Variants in SLC6A15 observed in about 807,000 individuals in gnomAD.
SLC6A15 encodes the protein solute carrier family 6 member 15, also known as sodium-dependent neutral amino acid transporter B(0)AT2.
SLC6A15 carries 33 observed loss-of-function variants against 68.5 expected under a neutral mutation model. The observed-to-expected ratio is 0.48, with a 90% CI of 0.37 to 0.64. SLC6A15 has a LOEUF of 0.64. Among genes scored for constraint, SLC6A15 ranks in the 30% least tolerant of loss-of-function variants. The probability of loss-of-function intolerance (pLI) is 0.00; values close to 1 mark genes in which losing one functional copy is unlikely to be tolerated. For synonymous variants in SLC6A15, 347 were observed against 301.0 expected, an observed-to-expected ratio of 1.15 and a Z score of -1.58; for missense variants, 747 against 874.3, an observed-to-expected ratio of 0.85 and a Z score of 1.84.
At chr12:84,906,895 G>C (rs1471833150) in intron 1 of SLC6A15, among the ~76,000 whole-genome samples, 1 of 151,754 alleles carries the variant, frequency 6.6e-6, no homozygotes, top group Non-Finnish European at 1.5e-5. Flanking sequence ...GACAAAAGCA[G>C]GATTCAGAAA....
At chr12:84,866,164 C>A (rs1316408755) in intron 10 of SLC6A15, among the ~76,000 whole-genome samples, 1 of 152,154 alleles carries the variant, frequency 6.6e-6, no homozygotes, top group African/African-American at 2.4e-5. Context: ...AAGGTGCATG[C>A]ATTACTACTT....
At chr12:84,884,258 A>G (rs1205854353) in intron 4 of SLC6A15, among the ~76,000 whole-genome samples, 1 of 152,166 alleles carries the variant, frequency 6.6e-6, no homozygotes, top group African/African-American at 2.4e-5. Flanking sequence ...TGCAGTAAGA[A>G]TATGTGAACC....
intron 1 of SLC6A15, among the ~76,000 whole-genome samples, chr12:84,896,387 T>C (rs986649972): frequency 6.6e-6 from 1 of 152,104 alleles, no homozygotes; most frequent in African/African-American, 2.4e-5. Context: ...AAAAAAAGAT[T>C]GTGTTGGCAC....
At chr12:84,873,725 A>T (rs923333215) in intron 6 of SLC6A15, among the ~76,000 whole-genome samples, 5 of 152,174 alleles carry the variant, frequency 3.3e-5, no homozygotes, top group African/African-American at 1.2e-4. Context: ...TGCTTCACTA[A>T]CACTCCATGT....
chr12:84,890,349 C>T (rs1872328658), intron 2 of SLC6A15, among the ~76,000 whole-genome samples: 1 of 152,070 alleles, frequency 6.6e-6, no homozygotes, highest in Admixed American at 6.5e-5. Flanking sequence ...CCTGACTTTT[C>T]AGCCAAATCA....
At chr12:84,901,550 C>T (rs866432143) in intron 1 of SLC6A15, among the ~76,000 whole-genome samples, 13 of 151,792 alleles carry the variant, frequency 8.6e-5, no homozygotes, top group Non-Finnish European at 1.9e-4. Context: ...ATACTTTCTG[C>T]CATTCTTGTT....
intron 1 of SLC6A15, among the ~76,000 whole-genome samples, chr12:84,899,910 C>T (rs1872784394): frequency 6.6e-6 from 1 of 151,864 alleles, no homozygotes; most frequent in South Asian, 2.1e-4. Flanking sequence ...GGTTCTTAAC[C>T]CCAACCATTT....
chr12:84,881,073 T>C (rs7131949), intron 5 of SLC6A15: 6,226 of 158,920 alleles, frequency 0.039, 404 homozygotes, highest in African/African-American at 0.14. Flanking sequence ...GCATAGTATT[T>C]AGCATAGTAG....
At chr12:84,864,822 T>C (rs1282694007) in intron 10 of SLC6A15, among the ~76,000 whole-genome samples, 5 of 152,122 alleles carry the variant, frequency 3.3e-5, no homozygotes, top group African/African-American at 1.2e-4. Flanking sequence ...ATTTTTGGTG[T>C]TTTCCAAAAA....
chr12:84,866,928 T>C, intron 10 of SLC6A15, 106 bp downstream of exon 10: 1 of 1,011,220 alleles, frequency 9.9e-7, no homozygotes, highest in South Asian at 2.3e-5. Context: ...TTTAAAGAAT[T>C]GTTCCCTCTA....
intron 2 of SLC6A15, among the ~76,000 whole-genome samples, chr12:84,886,361 T>C (rs1406611456): frequency 6.6e-6 from 1 of 152,058 alleles, no homozygotes; most frequent in Non-Finnish European, 1.5e-5. Context: ...ATAAAAATAA[T>C]TGATTATTTA....
At chr12:84,897,948 T>C (rs1411489439) in intron 1 of SLC6A15, among the ~76,000 whole-genome samples, 1 of 152,080 alleles carries the variant, frequency 6.6e-6, no homozygotes, top group Non-Finnish European at 1.5e-5. Flanking sequence ...AATTGTGAAT[T>C]AAATTACCAA....
Position 84,864,137 on chromosome 12 carries a change from A to C in SLC6A15, c.1656-536T>G, listed in dbSNP as rs146719162. Among the ~76,000 whole-genome samples the C allele has an allele frequency of 2.9e-3, 436 of 151,386 alleles. 1 individual carries two copies. The highest frequency in any genetic ancestry group is 9.9e-3 in the African/African-American group (408 of 41,412). ...TATTACTTTAGTAATAATTAGTAAA[A>C]GTAATAATTCCTTAATATCACAGCA... On this transcript the variant is annotated intron_variant, in intron 10 of 11. Transcript: ENST00000266682.
At chr12:84,884,993 C>G (rs1304093476) in intron 4 of SLC6A15, among the ~76,000 whole-genome samples, 2 of 151,600 alleles carry the variant, frequency 1.3e-5, no homozygotes, top group Non-Finnish European at 2.9e-5. Context: ...GGTGACTGCT[C>G]TTTATAATAT....
chr12:84,885,399 C>T, intron 4 of SLC6A15, 36 bp downstream of exon 4: 1 of 1,540,896 alleles, frequency 6.5e-7, no homozygotes, highest in Non-Finnish European at 8.7e-7. Flanking sequence ...TCTTATAATG[C>T]TTAAATACCA....
At chr12:84,863,253 C>T (rs1260079439) in intron 11 of SLC6A15, among the ~76,000 whole-genome samples, 186 bp downstream of exon 11, 1 of 151,114 alleles carries the variant, frequency 6.6e-6, no homozygotes, top group African/African-American at 2.5e-5. Context: ...TTGAAAACAT[C>T]CACAATGTAT....
chr12:84,906,991 A>T (rs182216313), intron 1 of SLC6A15, among the ~76,000 whole-genome samples: 24 of 152,224 alleles, frequency 1.6e-4, no homozygotes, highest in Non-Finnish European at 2.8e-4. Context: ...AAAAAAGCTT[A>T]AAAATGGGAG....
chr12:84,865,439 A>C (rs114407672), intron 10 of SLC6A15, among the ~76,000 whole-genome samples: 5,071 of 152,298 alleles, frequency 0.033, 272 homozygotes, highest in African/African-American at 0.12. Context: ...GTTACAATTG[A>C]TGAACCTACA....
chr12:84,903,427 C>T (rs1439593454), intron 1 of SLC6A15, among the ~76,000 whole-genome samples: 1 of 151,900 alleles, frequency 6.6e-6, no homozygotes, highest in East Asian at 1.9e-4. Context: ...CCCTAAAAAA[C>T]ATTGAGAATA....
Sources: gnomAD v4.1 joint callset for allele counts (sites outside exome capture counted in the v4.1 genomes callset) on GRCh38, gnomAD v4.1.1 for gene constraint, MANE v1.5 for transcripts, NCBI Gene and HGNC (gene_info 2026-07-23, HGNC 2026-07-21) for gene names.